The following FRS2 variants were observed in gnomAD, a reference collection of about 807,000 sequenced individuals.
FRS2 encodes the protein FGFR signalling adaptor.
A neutral mutation model predicts 43.9 loss-of-function variants in FRS2; 8 were observed. The observed-to-expected ratio is 0.18, with a 90% CI of 0.11 to 0.33. The LOEUF (loss-of-function observed/expected upper bound fraction) is 0.33, where lower values mean the gene tolerates loss of function less well. FRS2 is among the 10% of genes least tolerant of loss of function. The pLI, the probability that FRS2 is intolerant of heterozygous loss-of-function variation, is 1.00. For missense variants in FRS2, 534 were observed against 627.6 expected, an observed-to-expected ratio of 0.85 and a Z score of 1.59; for synonymous variants, 219 against 220.3, an observed-to-expected ratio of 0.99 and a Z score of 0.05.
intron 3 of FRS2, among the ~76,000 whole-genome samples, chr12:69,532,633 AC>A (rs1876917863): frequency 6.6e-6 from 1 of 152,208 alleles, no homozygotes; most frequent in Admixed American, 6.6e-5. Flanking sequence ...GTCTCTTAAT[AC>A]TATCACATTG....
chr12:69,497,091 G>A (rs1872967386), intron 1 of FRS2, among the ~76,000 whole-genome samples: 1 of 152,176 alleles, frequency 6.6e-6, no homozygotes, highest in African/African-American at 2.4e-5. Context: ...ATTGACTATT[G>A]GGCCCTGTTG....
intron 1 of FRS2, among the ~76,000 whole-genome samples, chr12:69,493,446 C>A (rs1225883427): frequency 6.6e-6 from 1 of 152,164 alleles, no homozygotes; most frequent in Non-Finnish European, 1.5e-5. Flanking sequence ...AGCTGCCGGG[C>A]GCGATGGCTC....
At chr12:69,557,594 T>TTTTGTGTGTGTG (rs58679577) in intron 3 of FRS2, among the ~76,000 whole-genome samples, 4 of 137,078 alleles carry the variant, frequency 2.9e-5, no homozygotes, top group African/African-American at 1.1e-4. Flanking sequence ...TGAAGGTTGA[T>TTTTGTGTGTGTG]TGTGTGTGTG....
At chr12:69,572,035 C>A in intron 7 of FRS2, 83 bp from the exon 8 acceptor site, 1 of 1,007,530 alleles carries the variant, frequency 9.9e-7, no homozygotes, top group Non-Finnish European at 1.5e-6. Flanking sequence ...CTCCTATAAT[C>A]CTCAGTACAG....
At chr12:69,555,357 A>G (rs1190242727) in intron 3 of FRS2, among the ~76,000 whole-genome samples, 1 of 151,916 alleles carries the variant, frequency 6.6e-6, no homozygotes. Flanking sequence ...TTTTTCTTAT[A>G]CTTAATTTTA....
At chr12:69,557,619 TGCGCGCGCGCGC>T (rs529133007) in intron 3 of FRS2, among the ~76,000 whole-genome samples, 1 of 118,966 alleles carries the variant, frequency 8.4e-6, no homozygotes, top group African/African-American at 2.8e-5. Flanking sequence ...TGTGTGTGTG[TGCGCGCGCGCGC>T]GCGCGCAGGT....
At chr12:69,567,028 C>T (rs1222379461) in intron 4 of FRS2, among the ~76,000 whole-genome samples, 2 of 152,292 alleles carry the variant, frequency 1.3e-5, no homozygotes, top group East Asian at 3.9e-4. Context: ...TGTTTCTGCT[C>T]TTCTTTTAAA....
intron 1 of FRS2, among the ~76,000 whole-genome samples, chr12:69,502,065 A>C (rs1367946797): frequency 6.6e-6 from 1 of 151,876 alleles, no homozygotes; most frequent in Non-Finnish European, 1.5e-5. Context: ...TTCTGGATTT[A>C]AGCAATTCTT....
intron 4 of FRS2, among the ~76,000 whole-genome samples, chr12:69,566,616 TAA>T (rs3834478): frequency 4.7e-5 from 7 of 149,842 alleles, no homozygotes; most frequent in Admixed American, 6.6e-5. Context: ...TTGGGGGATT[TAA>T]AAAAAAAAAG....
intron 1 of FRS2, among the ~76,000 whole-genome samples, chr12:69,471,664 G>A (rs1870308210): frequency 6.6e-6 from 1 of 152,222 alleles, no homozygotes; most frequent in Non-Finnish European, 1.5e-5. Flanking sequence ...AGGTTTGTAG[G>A]AAATATGGGT....
chr12:69,517,452 A>T (rs1033125782), intron 1 of FRS2, among the ~76,000 whole-genome samples: 1 of 151,972 alleles, frequency 6.6e-6, no homozygotes, highest in Admixed American at 6.6e-5. Context: ...GATAAGGGAT[A>T]CTCAACCTGT....
chr12:69,478,510 A>C (rs1871049854), intron 1 of FRS2, among the ~76,000 whole-genome samples: 1 of 152,202 alleles, frequency 6.6e-6, no homozygotes, highest in South Asian at 2.1e-4. Flanking sequence ...GAGAGATCAC[A>C]CATCTTCATG....
intron 1 of FRS2, among the ~76,000 whole-genome samples, chr12:69,472,056 T>C (rs1730734359): frequency 6.6e-6 from 1 of 152,204 alleles, no homozygotes; most frequent in African/African-American, 2.4e-5. Flanking sequence ...AGAGATTAGC[T>C]GCACAACTTT....
At chr12:69,539,890 G>A (rs1466247081) in intron 3 of FRS2, among the ~76,000 whole-genome samples, 1 of 152,154 alleles carries the variant, frequency 6.6e-6, no homozygotes, top group Non-Finnish European at 1.5e-5. Context: ...AGGAGGTGGA[G>A]GTTGCAGTGA....
chr12:69,557,619 TGCGCGCGCGC>T (rs529133007), intron 3 of FRS2, among the ~76,000 whole-genome samples: 70 of 119,026 alleles, frequency 5.9e-4, no homozygotes, highest in Admixed American at 1.3e-3. Flanking sequence ...TGTGTGTGTG[TGCGCGCGCGC>T]GCGCGCGCAG....
chr12:69,475,140 TGA>T (rs758631281), intron 1 of FRS2, among the ~76,000 whole-genome samples: 59 of 152,326 alleles, frequency 3.9e-4, no homozygotes, highest in Admixed American at 1.2e-3. Context: ...AGGGGGAACT[TGA>T]GTATTAATGT....
At chr12:69,486,752 G>T (rs530599763) in intron 1 of FRS2, among the ~76,000 whole-genome samples, 40 of 152,330 alleles carry the variant, frequency 2.6e-4, no homozygotes, top group Non-Finnish European at 4.3e-4. Context: ...AAGTCTTATT[G>T]CTGGTATGGA....
rs1269020439 is a variant in FRS2, at chr12:69,576,361, T to G, written c.*1406T>G. The G allele has an allele frequency of 6.6e-6, 1 of 152,194 alleles. No homozygotes were observed. The highest frequency in any genetic ancestry group is 2.4e-5 in the African/African-American group (1 of 41,452). 9.4% of individuals were successfully genotyped at this position (152,194 alleles called of 1,614,324 possible). On this transcript the variant is annotated 3_prime_UTR_variant, in exon 9 of 9. Coordinates refer to ENST00000549921, the MANE Select transcript of FRS2 (RefSeq NM_001278356.2). ...GTAGCAGTGAGATTGTATCATAATT[T>G]AGGATTTAAAATGAATTAAAGTTTA... is the stretch of plus-strand genomic sequence containing the variant.
chr12:69,503,531 G>A (rs577367430), intron 1 of FRS2, among the ~76,000 whole-genome samples: 1 of 152,270 alleles, frequency 6.6e-6, no homozygotes, highest in African/African-American at 2.4e-5. Flanking sequence ...CTGCCAGTAA[G>A]TGATGCAGTC....
Sources: gnomAD v4.1 joint callset for allele counts (sites outside exome capture counted in the v4.1 genomes callset) on GRCh38, gnomAD v4.1.1 for gene constraint, MANE v1.5 for transcripts, NCBI Gene and HGNC (gene_info 2026-07-23, HGNC 2026-07-21) for gene names.